Variants in PRORP observed in about 807,000 individuals in gnomAD.
PRORP encodes the protein mitochondrial ribonuclease P catalytic subunit.
In PRORP, 51 loss-of-function variants were observed where a neutral mutation model predicts 59.4. That is an observed-to-expected ratio of 0.86 (90% CI 0.69 to 1.08). PRORP has a LOEUF of 1.08. PRORP is among the 50% of genes least tolerant of loss of function. PRORP has a pLI of 0.00. For missense variants in PRORP, 646 were observed against 690.3 expected (o/e 0.94, Z 0.72); for synonymous variants, 231 against 245.6 (o/e 0.94, Z 0.55).
In PRORP at chr14:35,271,838, A is replaced by C. The variant is rs114631783; in HGVS notation, c.1620+1242A>C. ...GCAGGAGTTGAAGACCAGCCTAGCC[A>C]ACATAGCGAAAACCTCATCTCTACT... On this transcript the variant is annotated intron_variant, in intron 7 of 7. Transcript: ENST00000534898. Among the ~76,000 whole-genome samples, 937 of 152,278 alleles carry C rather than the reference A, an allele frequency of 6.2e-3. 17 individuals carry two copies. Among genetic ancestry groups the C allele is most frequent in the African/African-American group, 0.021 (855 of 41,558 alleles).
chr14:35,234,188 G>A (rs1279472784), intron 5 of PRORP, among the ~76,000 whole-genome samples: 1 of 152,158 alleles, frequency 6.6e-6, no homozygotes, highest in South Asian at 2.1e-4. Flanking sequence ...TTACTTGCAC[G>A]TCATTGTAGT....
At chr14:35,176,075 G>A (rs529653715) in intron 4 of PRORP, among the ~76,000 whole-genome samples, 1 of 152,000 alleles carries the variant, frequency 6.6e-6, no homozygotes, top group African/African-American at 2.4e-5. Flanking sequence ...ATTTCTGAGG[G>A]CTCTGTTCTG....
chr14:35,175,964 G>A (rs113892278), intron 4 of PRORP, among the ~76,000 whole-genome samples: 3 of 152,100 alleles, frequency 2.0e-5, no homozygotes, highest in East Asian at 1.9e-4. Context: ...CATATGGCTA[G>A]CCAGTTTTCC....
At chr14:35,192,946 T>C (rs936142100) in intron 5 of PRORP, among the ~76,000 whole-genome samples, 1 of 151,128 alleles carries the variant, frequency 6.6e-6, no homozygotes, top group Non-Finnish European at 1.5e-5. Flanking sequence ...TGAGCCTAGA[T>C]TGTGCCACTA....
intron 4 of PRORP, among the ~76,000 whole-genome samples, chr14:35,178,001 TAC>T (rs1237579216): frequency 6.6e-6 from 1 of 152,238 alleles, no homozygotes; most frequent in Non-Finnish European, 1.5e-5. Context: ...TTTCATTATG[TAC>T]CCAGTATTCA....
chr14:35,194,932 C>T (rs1030408583), intron 5 of PRORP, among the ~76,000 whole-genome samples: 11 of 152,070 alleles, frequency 7.2e-5, no homozygotes, highest in African/African-American at 2.2e-4. Context: ...TAACTATCTG[C>T]ATAATTAAGA....
chr14:35,245,356 A>T (rs1294457371), intron 5 of PRORP, among the ~76,000 whole-genome samples: 1 of 152,174 alleles, frequency 6.6e-6, no homozygotes, highest in Non-Finnish European at 1.5e-5. Flanking sequence ...AGTTAAAAGG[A>T]TGGTGGCCAT....
intron 5 of PRORP, among the ~76,000 whole-genome samples, chr14:35,184,251 G>T (rs1595262191): frequency 6.6e-6 from 1 of 152,036 alleles, no homozygotes; most frequent in South Asian, 2.1e-4. Flanking sequence ...GGGTGATAGA[G>T]ATTAAGGAAC....
intron 5 of PRORP, among the ~76,000 whole-genome samples, chr14:35,250,345 C>T (rs139057820): frequency 6.6e-6 from 1 of 152,294 alleles, no homozygotes; most frequent in African/African-American, 2.4e-5. Flanking sequence ...TGACCATTTT[C>T]GGGGAAAACA....
chr14:35,198,381 G>C (rs2049059107), intron 5 of PRORP, among the ~76,000 whole-genome samples: 1 of 152,172 alleles, frequency 6.6e-6, no homozygotes, highest in African/African-American at 2.4e-5. Context: ...CAGCAGTAAA[G>C]GAGTCAGGAG....
intron 5 of PRORP, among the ~76,000 whole-genome samples, chr14:35,221,613 A>G (rs139587571): frequency 4.6e-4 from 70 of 152,270 alleles, no homozygotes; most frequent in African/African-American, 1.5e-3. Context: ...CACAAAATCT[A>G]TGCTTGGCCA....
At chr14:35,205,983 T>C (rs541601925) in intron 5 of PRORP, among the ~76,000 whole-genome samples, 2 of 152,302 alleles carry the variant, frequency 1.3e-5, no homozygotes, top group East Asian at 1.9e-4. Context: ...AGTCACACCA[T>C]TGCAGTGATC....
chr14:35,126,900 G>T, intron 3 of PRORP, 118 bp downstream of exon 3: 1 of 735,240 alleles, frequency 1.4e-6, no homozygotes, highest in South Asian at 1.9e-5. Context: ...TTTGTAATTA[G>T]AGTATCTGAG....
In PRORP at chr14:35,277,180, G is replaced by A. The variant is rs914626772; in HGVS notation, c.*3614G>A. 1 of 152,116 alleles carries A rather than the reference G, an allele frequency of 6.6e-6. No homozygotes were observed. The highest frequency in any genetic ancestry group is 1.5e-5 in the Non-Finnish European group (1 of 68,060). 9.4% of individuals were successfully genotyped at this position (152,116 alleles called of 1,614,324 possible). On this transcript the variant is annotated 3_prime_UTR_variant, in exon 8 of 8. Transcript: ENST00000534898. The stretch of plus-strand genomic sequence containing the variant: ...AGCTGGAATTACAGGCATGCGCCAT[G>A]ACGCCTGGCTAATTTTTGCATTTTT...
At chr14:35,177,356 G>C (rs1276424715) in intron 4 of PRORP, among the ~76,000 whole-genome samples, 2 of 151,980 alleles carry the variant, frequency 1.3e-5, no homozygotes, top group Non-Finnish European at 2.9e-5. Flanking sequence ...GAATTTGGCT[G>C]TGAATCCGTC....
At chr14:35,181,596 C>T (rs2048607392) in intron 5 of PRORP, among the ~76,000 whole-genome samples, 1 of 152,014 alleles carries the variant, frequency 6.6e-6, no homozygotes. Context: ...AGCAGCCTGG[C>T]TAACATGGTG....
At chr14:35,261,825 T>C (rs1400663551) in intron 5 of PRORP, among the ~76,000 whole-genome samples, 2 of 152,206 alleles carry the variant, frequency 1.3e-5, no homozygotes, top group Non-Finnish European at 2.9e-5. Flanking sequence ...AGTGGGTTCA[T>C]GGCTGGACTG....
At chr14:35,270,333 C>A in intron 6 of PRORP, 68 bp from the exon 7 acceptor site, 1 of 1,448,546 alleles carries the variant, frequency 6.9e-7, no homozygotes, top group Non-Finnish European at 9.5e-7. Context: ...GTAAAAAGTA[C>A]GGTGAAAAAC....
At chr14:35,210,778 T>C (rs1204509534) in intron 5 of PRORP, among the ~76,000 whole-genome samples, 1 of 92,720 alleles carries the variant, frequency 1.1e-5, no homozygotes, top group Admixed American at 1.3e-4. Flanking sequence ...TTTTTTTTTT[T>C]TTTTAAGACA....
Sources: gnomAD v4.1 joint callset for allele counts (sites outside exome capture counted in the v4.1 genomes callset) on GRCh38, gnomAD v4.1.1 for gene constraint, MANE v1.5 for transcripts, NCBI Gene and HGNC (gene_info 2026-07-23, HGNC 2026-07-21) for gene names.